ARID2: variants seen among roughly 807,000 people sequenced by gnomAD.
The protein encoded by ARID2 is AT-rich interaction domain 2, also known as AT-rich interactive domain-containing protein 2.
A neutral mutation model predicts 184.6 loss-of-function variants in ARID2; 32 were observed. The observed-to-expected ratio is 0.17, with a 90% CI of 0.13 to 0.23. The LOEUF (loss-of-function observed/expected upper bound fraction) is 0.23. Among genes scored for constraint, ARID2 ranks in the 10% least tolerant of loss-of-function variants. ARID2 has a pLI of 1.00. For synonymous variants in ARID2, 836 were observed against 772.6 expected, an observed-to-expected ratio of 1.08 and a Z score of -1.36; for missense variants, 1,696 against 2,197.6, an observed-to-expected ratio of 0.77 and a Z score of 4.56.
rs1158780297 is a variant in ARID2 at position 45,860,841 on chromosome 12, G to T, written c.4814G>T (p.Gly1605Val). 3 of 1,606,874 alleles carry T rather than the reference G, an allele frequency of 1.9e-6. No individual in the cohort carries two copies. The highest frequency in any genetic ancestry group is 1.1e-5 in the South Asian group (1 of 89,590). The part of the protein sequence containing the change: ...MPPSPAVQVQ[G>V]QPNSSQPSPF... ...CCTTCACCAGCTGTACAAGTGCAGG[G>T]CCAGCCTAACAGTTCTCAGCCTTCT... The change falls in exon 16 of 21, where the codon GGC becomes GTC. Residue 1605 changes from glycine to valine, a missense_variant. Physicochemically the swap from Gly to Val is moderately radical, Grantham distance 109. Transcript: ENST00000334344.
At chr12:45,830,832 G>C (rs750254782) in intron 6 of ARID2, among the ~76,000 whole-genome samples, 45 of 152,112 alleles carry the variant, frequency 3.0e-4, no homozygotes, top group Non-Finnish European at 5.7e-4. Context: ...CAGGTGGGCA[G>C]ATCATTTGAG....
In ARID2 at chr12:45,893,516, A is replaced by G. The variant is rs375630649; in HGVS notation, c.5244A>G (p.Ser1748=). ...CACTTATGGCTCTGAGGAGAGGATC[A>G]AGAAACCTTGTCTTTCGAGATTTTA... ...SAALMALRRG[S]RNLVFRDFTD... The change falls in exon 19 of 21, where the codon TCA becomes TCG. Residue 1748 remains serine, a synonymous_variant. Transcript: ENST00000334344. The G allele has an allele frequency of 3.2e-4, 510 of 1,613,906 alleles. 4 individuals carry two copies. The South Asian group carries it at 4.3e-3, about 14-fold the overall frequency.
Position 45,821,976 on chromosome 12 carries a change from A to G in ARID2, c.705+489A>G, listed in dbSNP as rs374096157. Among the ~76,000 whole-genome samples the G allele has an allele frequency of 5.3e-5, 8 of 152,238 alleles. No individual in the cohort carries two copies. The East Asian group carries it at 1.5e-3, about 29-fold the overall frequency. On this transcript the variant is annotated intron_variant, in intron 6 of 20. Transcript: ENST00000334344. ...TGAGAAACTACAAAAAGACTTGAAC[A>G]AATTGTTTTCTCACTTAACACTTGT...
intron 3 of ARID2, among the ~76,000 whole-genome samples, chr12:45,733,472 A>G (rs1941042808): frequency 1.3e-5 from 2 of 152,238 alleles, no homozygotes; most frequent in African/African-American, 4.8e-5. Context: ...CGTCAGATTG[A>G]ATATCATCAT....
chr12:45,860,995 G>T (rs548925082), intron 16 of ARID2, 46 bp downstream of exon 16: 1 of 1,402,448 alleles, frequency 7.1e-7, no homozygotes, highest in Non-Finnish European at 9.4e-7. Context: ...CTTTGTTTTG[G>T]AATGCTTTTA....
chr12:45,843,366 TG>T (rs1354284618), intron 11 of ARID2, among the ~76,000 whole-genome samples: 2 of 150,534 alleles, frequency 1.3e-5, no homozygotes, highest in Admixed American at 6.6e-5. Context: ...GGACCTGAGA[TG>T]TTTTCTTCTT....
intron 11 of ARID2, among the ~76,000 whole-genome samples, chr12:45,844,620 C>T (rs1033580233): frequency 4.6e-5 from 7 of 152,166 alleles, no homozygotes; most frequent in East Asian, 1.9e-4. Context: ...TAGTGTTCCA[C>T]GTTACACTAT....
At chr12:45,840,059 G>A (rs1187318531) in intron 11 of ARID2, 1 of 152,194 alleles carries the variant, frequency 6.6e-6, no homozygotes, top group African/African-American at 2.4e-5. Context: ...TGTAATTATA[G>A]TACAGACATG....
At chr12:45,821,799 G>T (rs1942902260) in intron 6 of ARID2, among the ~76,000 whole-genome samples, 1 of 152,124 alleles carries the variant, frequency 6.6e-6, no homozygotes, top group Admixed American at 6.6e-5. Context: ...TTTTATGTGT[G>T]TTCTGAAACT....
rs569587277 is a variant in ARID2 at position 45,874,717 on chromosome 12, GT to G, written c.4922+13770del. ...CGACCTCCTCCCATGAATCACGAATGTTCTTAGTGGCAACTAGCATTAGAGA... is the reference window on the plus strand; with the variant it reads ...CGACCTCCTCCCATGAATCACGAATGTCTTAGTGGCAACTAGCATTAGAGA... On this transcript the variant is annotated intron_variant, in intron 16 of 20. Transcript: ENST00000334344. Among the ~76,000 whole-genome samples, 22 of 152,284 alleles carry G rather than the reference GT, an allele frequency of 1.4e-4. No individual in the cohort carries two copies. In the East Asian group the frequency reaches 2.1e-3, roughly 15 times the overall value.
intron 6 of ARID2, among the ~76,000 whole-genome samples, chr12:45,827,517 A>G (rs1420160714): frequency 3.3e-5 from 5 of 152,106 alleles, no homozygotes; most frequent in Admixed American, 6.6e-5. Flanking sequence ...TTTCCATTCT[A>G]TGATAGGAAA....
chr12:45,854,241 A>G (rs1218131299), intron 15 of ARID2, among the ~76,000 whole-genome samples: 1 of 152,186 alleles, frequency 6.6e-6, no homozygotes, highest in African/African-American at 2.4e-5. Flanking sequence ...CATTATGGCA[A>G]GTTGTATAAT....
intron 3 of ARID2, among the ~76,000 whole-genome samples, chr12:45,754,581 A>G (rs750076309): frequency 1.1e-4 from 17 of 152,122 alleles, no homozygotes; most frequent in Non-Finnish European, 2.4e-4. Context: ...ACTCCTACCT[A>G]TCTTTGAAAT....
At position 45,852,612 on chromosome 12, in the gene ARID2, C is replaced by T. The variant is rs138256000; in HGVS notation, c.4489C>T (p.Pro1497Ser). 16 of 1,614,184 alleles carry T rather than the reference C, an allele frequency of 9.9e-6. No homozygotes were observed. In the African/African-American group the frequency reaches 1.5e-4, roughly 15 times the overall value. The stretch of plus-strand genomic sequence containing the variant: ...CTCAGGATCAAAAGTATCCCATTCT[C>T]CTGCCCTATCATCTGACGTTCGGTC... The part of the protein sequence containing the change: ...PDSGSKVSHS[P>S]ALSSDVRSTN... The change falls in exon 15 of 21, where the codon CCT becomes TCT. Residue 1497 changes from proline to serine, a missense_variant. Pro to Ser is a moderately conservative substitution (Grantham distance 74). Around this residue, in one of 11 missense-constraint regions of ARID2, gnomAD observed 428 missense variants for 409.1 expected, o/e 1.05. Transcript: ENST00000334344.
At chr12:45,735,492 G>A (rs1345498751) in intron 3 of ARID2, among the ~76,000 whole-genome samples, 8 of 149,944 alleles carry the variant, frequency 5.3e-5, no homozygotes, top group Non-Finnish European at 8.9e-5. Context: ...GCCCATGCTT[G>A]TCTTGAATGC....
intron 10 of ARID2, among the ~76,000 whole-genome samples, chr12:45,838,662 G>A (rs1424445598): frequency 2.0e-5 from 3 of 151,982 alleles, no homozygotes; most frequent in East Asian, 3.9e-4. Flanking sequence ...AGCTGCTTGG[G>A]AGGCTGATGT....
At position 45,850,920 on chromosome 12, in the gene ARID2, G is replaced by T; in HGVS notation, c.2797G>T (p.Ala933Ser). The change falls in exon 15 of 21, where the codon GCT becomes TCT. Residue 933 changes from alanine to serine, a missense_variant. Physicochemically the swap from Ala to Ser is moderately conservative, Grantham distance 99. This residue lies in a region of ARID2 where 713 missense variants were observed against 824.4 expected (regional missense o/e 0.86). Transcript: ENST00000334344. ...AAGCGTAGTGATTGTAAGCCAGCCAGCTCAACAAGGTCAAACTTATGCACC... is the reference window on the plus strand; with the variant it reads ...AAGCGTAGTGATTGTAAGCCAGCCATCTCAACAAGGTCAAACTTATGCACC... ...QQSVVIVSQPAQQGQTYAPAI... is the reference protein window; with the variant it reads ...QQSVVIVSQPSQQGQTYAPAI... 6.2e-7 allele frequency: 1 copy of T among 1,614,116 alleles called. No individual in the cohort carries two copies. Among genetic ancestry groups the T allele is most frequent in the South Asian group, 1.1e-5 (1 of 91,078 alleles).
At chr12:45,858,222 G>A (rs910172537) in intron 15 of ARID2, among the ~76,000 whole-genome samples, 1 of 152,014 alleles carries the variant, frequency 6.6e-6, no homozygotes, top group African/African-American at 2.4e-5. Context: ...TCACCATCCT[G>A]TTTATCTCAA....
At chr12:45,805,584 G>A (rs1942584919) in intron 3 of ARID2, among the ~76,000 whole-genome samples, 1 of 151,842 alleles carries the variant, frequency 6.6e-6, no homozygotes, top group African/African-American at 2.4e-5. Flanking sequence ...CATCTGTATT[G>A]CTACCTAACC....
Sources: gnomAD v4.1 joint callset for allele counts (sites outside exome capture counted in the v4.1 genomes callset) on GRCh38, gnomAD v4.1.1 for gene constraint, gnomAD v4.1.1 regional missense constraint, MANE v1.5 for transcripts, NCBI Gene and HGNC (gene_info 2026-07-23, HGNC 2026-07-21) for gene names.